Variants in MCM4 observed in about 807,000 individuals in gnomAD.
MCM4 encodes DNA replication licensing factor MCM4.
A neutral mutation model predicts 88.7 loss-of-function variants in MCM4; 60 were observed. The ratio of observed to expected loss-of-function variants is 0.68; its 90% CI spans 0.55 to 0.84. MCM4 has a LOEUF of 0.84. Ranked by LOEUF, MCM4 falls within the 40% of genes least tolerant of loss-of-function variation. The pLI, the probability that MCM4 is intolerant of heterozygous loss-of-function variation, is 0.00. For missense variants in MCM4, 1,149 were observed against 1,105.5 expected (o/e 1.04, Z -0.56); for synonymous variants, 465 against 410.5 (o/e 1.13, Z -1.61).
Position 47,977,281 on chromosome 8 carries a change from A to T in MCM4, c.*503A>T, listed in dbSNP as rs925054972. 4.6e-5 allele frequency: 7 copies of T among 153,464 alleles called. No homozygotes were observed. Among genetic ancestry groups the T allele is most frequent in the African/African-American group, 1.7e-4 (7 of 41,422 alleles). 9.5% of individuals were successfully genotyped at this position (153,464 alleles called of 1,614,324 possible). A position where few individuals can be genotyped will look rare whatever the true frequency, so the allele number is the denominator to read the frequency against. On this transcript the variant is annotated 3_prime_UTR_variant, in exon 17 of 17. Transcript: ENST00000649973. Reference sequence around the variant, plus strand: ...ACTGTCTCAAAAAAAAAAAAAAAAAAAAAACCTGCCAATTTTCAAACATAC... The same window carrying T: ...ACTGTCTCAAAAAAAAAAAAAAAAATAAAACCTGCCAATTTTCAAACATAC...
intron 5 of MCM4, 34 bp from the exon 6 acceptor site, chr8:47,962,730 T>C (rs1419578962): frequency 7.8e-7 from 1 of 1,283,736 alleles, no homozygotes; most frequent in African/African-American, 1.5e-5. Context: ...TCCCAAATGC[T>C]ATATGCCTAA....
At chr8:47,962,472 C>CTA in intron 5 of MCM4, 66 bp downstream of exon 5, 1 of 1,504,428 alleles carries the variant, frequency 6.6e-7, no homozygotes, top group Non-Finnish European at 9.2e-7. Context: ...TGTTTATAAT[C>CTA]TATATCTAAG....
At chr8:47,970,989 A>G in intron 12 of MCM4, 113 bp downstream of exon 12, 3 of 1,277,752 alleles carry the variant, frequency 2.3e-6, no homozygotes, top group Non-Finnish European at 3.2e-6. Context: ...GGGGAGATTG[A>G]TAAGTGCTTT....
chr8:47,973,284 C>A (rs1230647714), intron 14 of MCM4, among the ~76,000 whole-genome samples: 1 of 152,074 alleles, frequency 6.6e-6, no homozygotes, highest in African/African-American at 2.4e-5. Context: ...TCAAGCGATT[C>A]TCCTGCTTCA....
rs771573811 is a variant in MCM4, at chr8:47,967,490, G to T, written c.1174+5G>T. ...GGGACAGAGTGAATGTTACAGGTAA[G>T]AGTGTAGGTTTGCACCAGCACTTGA... On this transcript the variant is annotated splice_donor_5th_base_variant and intron_variant, in intron 10 of 16. Coordinates refer to ENST00000649973, the MANE Select transcript of MCM4 (RefSeq NM_182746.3). The T allele has an allele frequency of 4.3e-6, 7 of 1,614,168 alleles. No individual in the cohort carries two copies. The highest frequency in any genetic ancestry group is 3.3e-5 in the South Asian group (3 of 91,072).
At chr8:47,963,515 T>C (rs1484578255) in intron 7 of MCM4, among the ~76,000 whole-genome samples, 3 of 152,162 alleles carry the variant, frequency 2.0e-5, no homozygotes, top group Admixed American at 6.5e-5. Flanking sequence ...CACATTTTAA[T>C]GTTCCTGAAA....
chr8:47,961,101 GC>G (rs1307359747), intron 1 of MCM4, 29 bp from the exon 2 acceptor site: 2 of 1,518,234 alleles, frequency 1.3e-6, no homozygotes, highest in East Asian at 2.7e-5. Context: ...CGGGAGGCGG[GC>G]CCGGCCCGAG....
intron 8 of MCM4, 83 bp downstream of exon 8, chr8:47,964,795 A>G: frequency 8.1e-7 from 1 of 1,230,298 alleles, no homozygotes. Flanking sequence ...AGAAATTATG[A>G]AAGAAGTAAT....
chr8:47,967,779 C>T (rs2090913345), intron 10 of MCM4, among the ~76,000 whole-genome samples: 1 of 152,158 alleles, frequency 6.6e-6, no homozygotes, highest in African/African-American at 2.4e-5. Flanking sequence ...TGTCTCAAGT[C>T]AGTACTGTTG....
chr8:47,976,621 T>C (rs2091003050), intron 16 of MCM4, 65 bp from the exon 17 acceptor site: 1 of 1,131,586 alleles, frequency 8.8e-7, no homozygotes, highest in Admixed American at 1.8e-5. Context: ...ATAATTATTG[T>C]GTTTCTAACA....
chr8:47,974,958 T>G lies in MCM4; in HGVS notation c.2361T>G (p.Thr787=). 2 of 1,606,618 alleles carry G rather than the reference T, an allele frequency of 1.2e-6. No homozygotes were observed. The highest frequency in any genetic ancestry group is 1.7e-6 in the Non-Finnish European group (2 of 1,175,278). ...GCATCGTGGACATATCTATTCTTAC[T>G]ACGGGTTCGTTATTTTCAGTGAACA... ...RTGIVDISIL[T]TGMSATSRKR... is the part of the protein sequence containing the mutation. Residue 787 remains threonine (T), a synonymous_variant, in exon 15 of 17, where the codon ACT becomes ACG. Transcript: ENST00000649973.
intron 13 of MCM4, 78 bp from the exon 14 acceptor site, chr8:47,972,779 A>G (rs1053483479): frequency 8.5e-7 from 1 of 1,173,726 alleles, no homozygotes; most frequent in Non-Finnish European, 1.2e-6. Flanking sequence ...CTGGTCTCAA[A>G]CTACCAACCT....
chr8:47,978,043 C>T lies in MCM4; in HGVS notation c.*1265C>T, dbSNP rs999391650. The T allele has an allele frequency of 3.3e-5, 5 of 152,156 alleles. 1 individual carries two copies. The South Asian group carries it at 8.3e-4, about 25-fold the overall frequency. The allele number at this position is 152,156 out of a possible 1,614,324, so 9.4% of individuals were successfully genotyped here. Reference sequence around the variant, plus strand: ...GGTCATAAAAAACACCATAATATAACGAATCTCATTTTCTTTAAATGTGAA... The same window carrying T: ...GGTCATAAAAAACACCATAATATAATGAATCTCATTTTCTTTAAATGTGAA... On this transcript the variant is annotated 3_prime_UTR_variant, in exon 17 of 17. Coordinates refer to ENST00000649973, the MANE Select transcript of MCM4 (RefSeq NM_182746.3).
intron 8 of MCM4, among the ~76,000 whole-genome samples, chr8:47,965,108 G>A (rs1458839847): frequency 6.6e-6 from 1 of 152,130 alleles, no homozygotes; most frequent in Non-Finnish European, 1.5e-5. Flanking sequence ...GGCTACTCTC[G>A]GGAGGCTGAG....
intron 7 of MCM4, among the ~76,000 whole-genome samples, chr8:47,964,195 C>T (rs1350877662): frequency 6.6e-6 from 1 of 152,114 alleles, no homozygotes; most frequent in East Asian, 1.9e-4. Flanking sequence ...TGCACTCCAG[C>T]CTGGGCAACA....
intron 5 of MCM4, 89 bp downstream of exon 5, chr8:47,962,495 C>T: frequency 7.6e-7 from 1 of 1,317,770 alleles, no homozygotes; most frequent in Non-Finnish European, 1.1e-6. Context: ...GCCATAATGA[C>T]TAGAAGGGCC....
intron 14 of MCM4, 89 bp downstream of exon 14, chr8:47,973,153 T>C: frequency 8.6e-7 from 1 of 1,163,182 alleles, no homozygotes; most frequent in Non-Finnish European, 1.2e-6. Flanking sequence ...ATTAATTATT[T>C]TGTTACGAAT....
At position 47,973,074 on chromosome 8, in the gene MCM4, C is replaced by T. The variant is rs2090970487; in HGVS notation, c.2136+10C>T. The T allele has an allele frequency of 1.2e-6, 2 of 1,609,412 alleles. No individual in the cohort carries two copies. The highest frequency in any genetic ancestry group is 1.3e-5 in the African/African-American group (1 of 74,716). On this transcript the variant is annotated intron_variant, in intron 14 of 16. Transcript: ENST00000649973. Reference sequence around the variant, plus strand: ...CCAGGCTCTCATCGAGGTAACCCTGCTGAAAAAAGGCTTACTGTGCCTGTA... The same window carrying T: ...CCAGGCTCTCATCGAGGTAACCCTGTTGAAAAAAGGCTTACTGTGCCTGTA...
chr8:47,970,789 C>T lies in MCM4; in HGVS notation c.1713C>T (p.Cys571=). The T allele has an allele frequency of 6.2e-7, 1 of 1,614,174 alleles. No individual in the cohort carries two copies. ...TTGTCCTGAGTGACAACGGCATCTG[C>T]TGTATCGATGAGTTCGACAAGATGA... ...GALVLSDNGI[C]CIDEFDKMNE... is the part of the protein sequence containing the mutation. The change falls in exon 12 of 17, where the codon TGC becomes TGT. Residue 571 remains cysteine, a synonymous_variant. Transcript: ENST00000649973.
Sources: allele counts gnomAD v4.1 joint callset (sites outside exome capture counted in the v4.1 genomes callset), GRCh38; gene constraint gnomAD v4.1.1; transcripts MANE v1.5; gene names NCBI Gene and HGNC (gene_info 2026-07-23, HGNC 2026-07-21).